LGSN: variants seen among roughly 807,000 people sequenced by gnomAD.
LGSN encodes the protein lengsin.
Under a neutral mutation model 19.5 loss-of-function variants are expected in LGSN, and 21 were observed. The observed-to-expected ratio is 1.07, with a 90% CI of 0.76 to 1.55. The LOEUF (loss-of-function observed/expected upper bound fraction) is 1.55. Among genes scored for constraint, LGSN ranks in the 40% most tolerant of loss-of-function variants. LGSN has a pLI of 0.00. For missense variants in LGSN, 673 were observed against 608.5 expected (o/e 1.11, Z -1.12); for synonymous variants, 257 against 215.6 (o/e 1.19, Z -1.68).
chr6:63,533,026 T>C, the LGSN span, among the ~76,000 whole-genome samples: 2 of 152,188 alleles, frequency 1.3e-5, no homozygotes, highest in Non-Finnish European at 2.9e-5. Context: ...GCTACTGACC[T>C]GACAGAGGCA....
chr6:63,501,105 C>G, the LGSN span, among the ~76,000 whole-genome samples: 1 of 152,090 alleles, frequency 6.6e-6, no homozygotes, highest in South Asian at 2.1e-4. Context: ...GGCCTGGTGG[C>G]TCATGCCTAT....
the LGSN span, among the ~76,000 whole-genome samples, chr6:63,461,161 G>A: frequency 0.017 from 2,569 of 152,092 alleles, 229 homozygotes; most frequent in Admixed American, 0.14. Context: ...TCTGCCTCCC[G>A]GGCTCAAGCC....
chr6:63,283,740 G>C (rs1322954499), intron 3 of LGSN, among the ~76,000 whole-genome samples: 1 of 147,920 alleles, frequency 6.8e-6, no homozygotes, highest in Non-Finnish European at 1.5e-5. Flanking sequence ...CACTCTTTTT[G>C]CCCAGGCTGG....
At chr6:63,390,105 T>A in the LGSN span, among the ~76,000 whole-genome samples, 1 of 145,300 alleles carries the variant, frequency 6.9e-6, no homozygotes, top group Middle Eastern at 3.4e-3. Context: ...TTGGACACTT[T>A]CTTTCTTTCT....
the LGSN span, among the ~76,000 whole-genome samples, chr6:63,525,345 A>G: frequency 9.5e-4 from 145 of 152,250 alleles, 2 homozygotes; most frequent in South Asian, 0.029. Context: ...TTCCGGTTAG[A>G]TTCTGCCAAT....
chr6:63,441,512 T>C, the LGSN span: 5 of 421,722 alleles, frequency 1.2e-5, no homozygotes, highest in Admixed American at 5.6e-5. Flanking sequence ...TCACAACACA[T>C]GAAGGCTGTA....
the LGSN span, among the ~76,000 whole-genome samples, chr6:63,538,151 G>C: frequency 6.6e-6 from 1 of 152,234 alleles, no homozygotes; most frequent in African/African-American, 2.4e-5. Context: ...TCACCACCAT[G>C]AAAACTTCTT....
the LGSN span, among the ~76,000 whole-genome samples, chr6:63,325,169 C>T: frequency 6.9e-6 from 1 of 145,596 alleles, no homozygotes; most frequent in Admixed American, 6.8e-5. Flanking sequence ...CCTTAAGGAA[C>T]TTGATTAAAA....
At chr6:63,493,719 C>T in the LGSN span, among the ~76,000 whole-genome samples, 1 of 151,942 alleles carries the variant, frequency 6.6e-6, no homozygotes, top group Non-Finnish European at 1.5e-5. Context: ...AAATCATGAG[C>T]CTATTTGTCT....
At chr6:63,324,871 GC>G (rs1484770965), upstream of LGSN, among the ~76,000 whole-genome samples, 3 of 151,034 alleles carry the variant, frequency 2.0e-5, no homozygotes, top group African/African-American at 7.3e-5. Context: ...ACTCTGGGAG[GC>G]CGAGGCGGTC....
At chr6:63,565,129 C>T in the LGSN span, among the ~76,000 whole-genome samples, 6 of 152,092 alleles carry the variant, frequency 3.9e-5, no homozygotes, top group African/African-American at 1.4e-4. Flanking sequence ...CCTCCCACCT[C>T]AACCTCCGAG....
At chr6:63,299,880 A>G (rs1768119138) in intron 1 of LGSN, among the ~76,000 whole-genome samples, 1 of 152,106 alleles carries the variant, frequency 6.6e-6, no homozygotes, top group Admixed American at 6.6e-5. Context: ...TGTTTTTGCT[A>G]TATGTTTTAG....
chr6:63,532,887 C>T, the LGSN span, among the ~76,000 whole-genome samples: 4 of 152,088 alleles, frequency 2.6e-5, no homozygotes, highest in African/African-American at 9.7e-5. Context: ...ATTATATCTG[C>T]TTTTTAGCTA....
At chr6:63,526,826 TA>T in the LGSN span, among the ~76,000 whole-genome samples, 1,575 of 143,392 alleles carry the variant, frequency 0.011, 33 homozygotes, top group African/African-American at 0.037. Flanking sequence ...TATATATATA[TA>T]TATATATATT....
the LGSN span, among the ~76,000 whole-genome samples, chr6:63,412,736 AAAG>A: frequency 3.1e-5 from 2 of 63,542 alleles, no homozygotes; most frequent in South Asian, 1.0e-3. Flanking sequence ...AGAAAGAAAG[AAAG>A]AAAGAAAGAA....
At chr6:63,482,291 C>T in the LGSN span, among the ~76,000 whole-genome samples, 1 of 152,164 alleles carries the variant, frequency 6.6e-6, no homozygotes, top group Non-Finnish European at 1.5e-5. Flanking sequence ...ATTCCTGGCA[C>T]ATGGTAGGCA....
chr6:63,289,546 G>A (rs1006778328), intron 2 of LGSN, among the ~76,000 whole-genome samples: 1 of 151,420 alleles, frequency 6.6e-6, no homozygotes, highest in African/African-American at 2.4e-5. Flanking sequence ...TTCCCTCAGA[G>A]GATTAATAAA....
At chr6:63,321,921 C>T (rs1769094918), upstream of LGSN, among the ~76,000 whole-genome samples, 1 of 152,160 alleles carries the variant, frequency 6.6e-6, no homozygotes, top group African/African-American at 2.4e-5. Context: ...TCTTCTGAGA[C>T]AACATATGGA....
At chr6:63,356,520 C>T in the LGSN span, among the ~76,000 whole-genome samples, 5 of 148,792 alleles carry the variant, frequency 3.4e-5, no homozygotes, top group Non-Finnish European at 7.4e-5. Flanking sequence ...CCACCCTGGG[C>T]GACAAGAGCA....
Sources: gnomAD v4.1 joint callset for allele counts (sites outside exome capture counted in the v4.1 genomes callset) on GRCh38, gnomAD v4.1.1 for gene constraint, MANE v1.5 for transcripts, NCBI Gene and HGNC (gene_info 2026-07-23, HGNC 2026-07-21) for gene names.